The following DIAPH1 variants were observed in gnomAD, a reference collection of about 807,000 sequenced individuals.
The protein encoded by DIAPH1 is diaphanous related formin 1.
Under a neutral mutation model 140.7 loss-of-function variants are expected in DIAPH1, and 46 were observed. The ratio of observed to expected loss-of-function variants is 0.33; its 90% CI spans 0.26 to 0.42. DIAPH1 has a LOEUF of 0.42. DIAPH1 is among the 10% of genes least tolerant of loss of function. The pLI is 1.00. For synonymous variants in DIAPH1, 565 were observed against 551.6 expected (o/e 1.02, Z -0.34); for missense variants, 1,310 against 1,558.7 (o/e 0.84, Z 2.69).
chr5:141,557,307 G>C (rs1354527673), intron 18 of DIAPH1, among the ~76,000 whole-genome samples: 1 of 152,150 alleles, frequency 6.6e-6, no homozygotes, highest in Non-Finnish European at 1.5e-5. Flanking sequence ...AAGGATACAT[G>C]TAAAAATAAT....
intron 2 of DIAPH1, 133 bp downstream of exon 2, chr5:141,588,091 A>C: frequency 1.3e-6 from 1 of 772,144 alleles, no homozygotes; most frequent in Non-Finnish European, 2.3e-6. Flanking sequence ...GAGTTAGGAA[A>C]AAAGCCTTGA....
At chr5:141,554,606 CA>C (rs2099892273) in intron 18 of DIAPH1, among the ~76,000 whole-genome samples, 1 of 151,892 alleles carries the variant, frequency 6.6e-6, no homozygotes, top group South Asian at 2.1e-4. Flanking sequence ...AGAACAGTAT[CA>C]AAAAAATCAT....
chr5:141,528,345 TC>T, intron 23 of DIAPH1, 107 bp downstream of exon 23: 1 of 1,520,786 alleles, frequency 6.6e-7, no homozygotes. Flanking sequence ...CTATCTCATT[TC>T]CACTTGAAAT....
At position 141,526,446 on chromosome 5, in the gene DIAPH1, C is replaced by T; in HGVS notation, c.3289G>A (p.Ala1097Thr). The T allele has an allele frequency of 6.2e-7, 1 of 1,614,136 alleles. No individual in the cohort carries two copies. The highest frequency in any genetic ancestry group is 8.5e-7 in the Non-Finnish European group (1 of 1,180,022). ...CGCAGCTTGTTATACTGTTCCTGTG[C>T]ATCCTTCACAAAGCTGTGCAGCCAA... ...VEKMTSFVKDAQEQYNKLRMM... is the reference protein window; with the variant it reads ...VEKMTSFVKDTQEQYNKLRMM... The change falls in exon 25 of 28, where the codon GCA (alanine) becomes ACA (threonine). Residue 1097 changes from alanine to threonine, a missense_variant. This residue lies in a region of DIAPH1 where 344 missense variants were observed against 512.2 expected (regional missense o/e 0.67). Transcript: ENST00000389054.
At chr5:141,596,561 T>A (rs1330927069) in intron 1 of DIAPH1, among the ~76,000 whole-genome samples, 2 of 152,126 alleles carry the variant, frequency 1.3e-5, no homozygotes, top group Non-Finnish European at 2.9e-5. Context: ...AACACTGCAA[T>A]TCATAACAAT....
At chr5:141,533,823 G>A (rs1227116920) in intron 19 of DIAPH1, among the ~76,000 whole-genome samples, 1 of 152,088 alleles carries the variant, frequency 6.6e-6, no homozygotes, top group Non-Finnish European at 1.5e-5. Context: ...CAGATCACCT[G>A]AGCCCAGGAG....
chr5:141,559,806 G>A (rs549337828), intron 18 of DIAPH1, among the ~76,000 whole-genome samples: 128 of 152,270 alleles, frequency 8.4e-4, no homozygotes, highest in African/African-American at 3.0e-3. Context: ...GGAAACAATA[G>A]GCTAGAGGGC....
At chr5:141,526,822 AAGT>A (rs1351871548) in intron 24 of DIAPH1, among the ~76,000 whole-genome samples, 1 of 151,710 alleles carries the variant, frequency 6.6e-6, no homozygotes, top group Non-Finnish European at 1.5e-5. Context: ...TCAGCCTCCC[AAGT>A]AGCTGGAACT....
intron 1 of DIAPH1, among the ~76,000 whole-genome samples, chr5:141,602,016 C>T (rs1283539372): frequency 6.6e-6 from 1 of 152,154 alleles, no homozygotes; most frequent in Non-Finnish European, 1.5e-5. Context: ...CCTTTCATAT[C>T]CTAATCTACC....
intron 6 of DIAPH1, among the ~76,000 whole-genome samples, chr5:141,582,906 T>A (rs899624456): frequency 5.9e-5 from 9 of 152,184 alleles, no homozygotes; most frequent in African/African-American, 2.2e-4. Context: ...CAGACCAGAT[T>A]ACACAGCAGC....
intron 18 of DIAPH1, among the ~76,000 whole-genome samples, chr5:141,556,163 G>A (rs2099892539): frequency 1.3e-5 from 2 of 152,094 alleles, no homozygotes; most frequent in South Asian, 2.1e-4. Flanking sequence ...AAGGACTAGC[G>A]ATATTATAAT....
chr5:141,538,701 G>C (rs1419399100), intron 18 of DIAPH1, among the ~76,000 whole-genome samples: 2 of 152,044 alleles, frequency 1.3e-5, no homozygotes, highest in African/African-American at 4.8e-5. Context: ...CCAAAGTGCT[G>C]GGATAACAGG....
chr5:141,551,508 TAC>T, intron 18 of DIAPH1, among the ~76,000 whole-genome samples: 1 of 152,184 alleles, frequency 6.6e-6, no homozygotes, highest in East Asian at 1.9e-4. Flanking sequence ...TATACTCACA[TAC>T]ACATACATAA....
In DIAPH1 at chr5:141,574,102, G is replaced by C. The variant is rs201719002; in HGVS notation, c.1748C>G (p.Pro583Arg). The C allele has an allele frequency of 8.2e-5, 133 of 1,613,926 alleles. No individual in the cohort carries two copies. In the African/African-American group the frequency reaches 1.7e-3, roughly 21 times the overall value. ...PPSVPSRAPV[P>R]PAPPLPGDSG... ...GTCACCAGGTAAAGGAGGGGCAGGG[G>C]GAACAGGAGCACGACTAGGAACAGA... The change falls in exon 16 of 28, where the codon CCC becomes CGC. Residue 583 changes from proline to arginine, a missense_variant. Transcript: ENST00000389054.
intron 7 of DIAPH1, 53 bp downstream of exon 7, chr5:141,582,259 A>C (rs2099896892): frequency 3.7e-6 from 5 of 1,358,686 alleles, no homozygotes; most frequent in South Asian, 1.2e-5. Flanking sequence ...CCAATAGAAG[A>C]GAAAGAACAG....
Position 141,519,045 on chromosome 5 carries a change from A to G in DIAPH1, c.3662-2037T>C, listed in dbSNP as rs1250729536. On this transcript the variant is annotated intron_variant, in intron 27 of 27. Transcript: ENST00000389054. ...GAAGACCCTGACTGACAGCCACAGG[A>G]CTTATCTAGTTACAGATCATAGGTA... The G allele has an allele frequency of 2.0e-6, 3 of 1,504,578 alleles. No individual in the cohort carries two copies. In the East Asian group the frequency reaches 7.4e-5, roughly 37 times the overall value. The allele number at this position is 1,504,578 out of a possible 1,614,324, so 93.2% of individuals were successfully genotyped here.
At chr5:141,602,118 T>C (rs2099900231) in intron 1 of DIAPH1, among the ~76,000 whole-genome samples, 1 of 152,212 alleles carries the variant, frequency 6.6e-6, no homozygotes, top group African/African-American at 2.4e-5. Context: ...ATTTCTTTAT[T>C]CAGGATTGAC....
chr5:141,524,401 C>T lies in DIAPH1; in HGVS notation c.3575-172G>A. On this transcript the variant is annotated intron_variant, in intron 26 of 27. Coordinates refer to ENST00000389054, the MANE Select transcript of DIAPH1 (RefSeq NM_005219.5). Reference sequence around the variant, plus strand: ...CTTAAGTCTCACACGCTCATGTTTACTTGTATCTGCTAAAAAATGGTTAAA... The same window carrying T: ...CTTAAGTCTCACACGCTCATGTTTATTTGTATCTGCTAAAAAATGGTTAAA... The T allele has an allele frequency of 4.4e-6, 3 of 675,598 alleles. No homozygotes were observed. In the East Asian group the frequency reaches 8.3e-5, roughly 19 times the overall value. The allele number at this position is 675,598 out of a possible 1,614,324, so 41.9% of individuals were successfully genotyped here.
chr5:141,572,898 T>C (rs184713648), intron 16 of DIAPH1, among the ~76,000 whole-genome samples: 1 of 152,286 alleles, frequency 6.6e-6, no homozygotes, highest in East Asian at 1.9e-4. Context: ...ATGACTATTA[T>C]CAAACTGTGT....
Sources: gnomAD v4.1 joint callset for allele counts (sites outside exome capture counted in the v4.1 genomes callset) on GRCh38, gnomAD v4.1.1 for gene constraint, gnomAD v4.1.1 regional missense constraint, MANE v1.5 for transcripts, NCBI Gene and HGNC (gene_info 2026-07-23, HGNC 2026-07-21) for gene names.